Variants in NCAPG2 observed in about 807,000 individuals in gnomAD.
NCAPG2 encodes the protein non-SMC condensin II complex subunit G2.
NCAPG2 carries 53 observed loss-of-function variants against 141.1 expected under a neutral mutation model. That is an observed-to-expected ratio of 0.38 (90% CI 0.30 to 0.47). The LOEUF is 0.47. Ranked by LOEUF, NCAPG2 falls within the 20% of genes least tolerant of loss-of-function variation. The pLI, the probability that NCAPG2 is intolerant of heterozygous loss-of-function variation, is 0.99. For synonymous variants in NCAPG2, 499 were observed against 490.7 expected, an observed-to-expected ratio of 1.02 and a Z score of -0.22; for missense variants, 1,087 against 1,389.0, an observed-to-expected ratio of 0.78 and a Z score of 3.46.
intron 27 of NCAPG2, chr7:158,641,559 GA>G (rs74999655): frequency 0.15 from 67,327 of 442,904 alleles, 54 homozygotes; most frequent in East Asian, 0.23. Flanking sequence ...TCATATCTTG[GA>G]AAAAAAAAAA....
chr7:158,661,329 A>G (rs1377499), intron 16 of NCAPG2, among the ~76,000 whole-genome samples: 84,434 of 152,078 alleles, frequency 0.56, 23,919 homozygotes, highest in Middle Eastern at 0.61. Context: ...AGTTAAGAAT[A>G]TATTTGCATT....
rs1157946424 is a variant in NCAPG2 at position 158,687,461 on chromosome 7, A to G, written c.673-19T>C. 1 of 1,552,558 alleles carries G rather than the reference A, an allele frequency of 6.4e-7. No homozygotes were observed. The highest frequency in any genetic ancestry group is 2.3e-5 in the East Asian group (1 of 44,292). ...TTCTTCCCTAGAAATAAAAAAGGAT[A>G]GAATGTTTACATTGCAACCAAATAA... On this transcript the variant is annotated intron_variant, in intron 6 of 27. Coordinates refer to ENST00000356309, the MANE Select transcript of NCAPG2 (RefSeq NM_017760.7).
intron 27 of NCAPG2, among the ~76,000 whole-genome samples, chr7:158,634,593 C>A (rs111857401): frequency 0.023 from 3,499 of 152,176 alleles, 146 homozygotes; most frequent in African/African-American, 0.079. Context: ...TTACACTGAC[C>A]TAAGTCTAGA....
chr7:158,654,255 T>C (rs1232211802), intron 22 of NCAPG2, among the ~76,000 whole-genome samples: 1 of 152,054 alleles, frequency 6.6e-6, no homozygotes, highest in Non-Finnish European at 1.5e-5. Flanking sequence ...CAGGAGCACA[T>C]GACCAGAGCA....
chr7:158,676,988 A>G (rs916674142), intron 11 of NCAPG2, among the ~76,000 whole-genome samples: 1 of 152,094 alleles, frequency 6.6e-6, no homozygotes, highest in Non-Finnish European at 1.5e-5. Flanking sequence ...GGAGGCTGTG[A>G]CCTCAGAGAG....
At position 158,675,663 on chromosome 7, in the gene NCAPG2, G is replaced by C; in HGVS notation, c.1147-7C>G. The C allele has an allele frequency of 6.2e-7, 1 of 1,604,854 alleles. No homozygotes were observed. The highest frequency in any genetic ancestry group is 8.5e-7 in the Non-Finnish European group (1 of 1,177,930). On this transcript the variant is annotated splice_region_variant and splice_polypyrimidine_tract_variant and intron_variant, in intron 11 of 27. Coordinates refer to ENST00000356309, the MANE Select transcript of NCAPG2 (RefSeq NM_017760.7). ...AAGGATCTTCTAAAAGGCTCTATAA[G>C]TAGGAGGGGAGAAAGGCTTAAAAAC...
At chr7:158,647,571 G>A (rs1831121625) in intron 24 of NCAPG2, among the ~76,000 whole-genome samples, 1 of 152,126 alleles carries the variant, frequency 6.6e-6, no homozygotes, top group African/African-American at 2.4e-5. Context: ...TTATGCCTTG[G>A]TTTTCCACCT....
At chr7:158,659,998 G>C (rs1293080221) in intron 16 of NCAPG2, among the ~76,000 whole-genome samples, 1 of 151,892 alleles carries the variant, frequency 6.6e-6, no homozygotes, top group East Asian at 1.9e-4. Flanking sequence ...TGTAGTCCCA[G>C]CTACTCGGGA....
intron 19 of NCAPG2, 73 bp downstream of exon 19, chr7:158,656,187 T>C: frequency 6.6e-7 from 1 of 1,518,632 alleles, no homozygotes. Flanking sequence ...ACTGTAAATA[T>C]GAAAGCTTCA....
At chr7:158,697,101 C>T (rs1835494509) in intron 2 of NCAPG2, among the ~76,000 whole-genome samples, 3 of 152,030 alleles carry the variant, frequency 2.0e-5, no homozygotes, top group African/African-American at 7.3e-5. Flanking sequence ...GTAAACTAGC[C>T]TTAGGCAGGT....
intron 1 of NCAPG2, among the ~76,000 whole-genome samples, chr7:158,704,067 T>C (rs1384060498): frequency 5.3e-3 from 310 of 58,976 alleles, no homozygotes; most frequent in Middle Eastern, 0.017. Context: ...GTGCCCATGC[T>C]CAGGACTGAG....
intron 4 of NCAPG2, 104 bp from the exon 5 acceptor site, chr7:158,690,826 C>A: frequency 2.9e-6 from 3 of 1,032,006 alleles, no homozygotes; most frequent in Non-Finnish European, 1.3e-6. Context: ...TAAAGCTTTG[C>A]TAAGCAAATA....
At chr7:158,702,639 C>T (rs535228890) in intron 1 of NCAPG2, among the ~76,000 whole-genome samples, 1 of 152,306 alleles carries the variant, frequency 6.6e-6, no homozygotes, top group Non-Finnish European at 1.5e-5. Context: ...AATGATGGAA[C>T]ACATTTGCAG....
At chr7:158,679,278 T>G (rs1834297848) in intron 11 of NCAPG2, among the ~76,000 whole-genome samples, 1 of 152,220 alleles carries the variant, frequency 6.6e-6, no homozygotes. Context: ...TTGTTGTCAT[T>G]GTTTCCTAAA....
At chr7:158,685,289 G>A (rs1321904160) in intron 8 of NCAPG2, among the ~76,000 whole-genome samples, 1 of 152,106 alleles carries the variant, frequency 6.6e-6, no homozygotes, top group African/African-American at 2.4e-5. Context: ...CAAAAATAAT[G>A]TAACTAAAAG....
Position 158,658,407 on chromosome 7 carries a change from T to C in NCAPG2, c.1991A>G (p.Asp664Gly), listed in dbSNP as rs1832192318. The C allele has an allele frequency of 6.2e-7, 1 of 1,605,832 alleles. No homozygotes were observed. The highest frequency in any genetic ancestry group is 1.3e-5 in the African/African-American group (1 of 74,558). Reference sequence around the variant, plus strand: ...GAATAAAGGGATCTTGCAGCGATCATCCTAAAAGCGAAAAAAGAAAAACAA... The same window carrying C: ...GAATAAAGGGATCTTGCAGCGATCACCCTAAAAGCGAAAAAAGAAAAACAA... ...VLPEYLKVFKDDRCKIPLFML... is the reference protein window; with the variant it reads ...VLPEYLKVFKGDRCKIPLFML... Residue 664 changes from aspartate (D) to glycine (G), a missense_variant and splice_region_variant, in exon 17 of 28, where the codon GAT becomes GGT. By Grantham distance (94) the Asp-to-Gly change is moderately conservative. Transcript: ENST00000356309.
chr7:158,633,896 C>T lies in NCAPG2; in HGVS notation c.3381-2179G>A, dbSNP rs925310943. On this transcript the variant is annotated intron_variant, in intron 27 of 27. Transcript: ENST00000356309. This position sits in a 1 kb window ranked among gnomAD's most constrained non-coding sequence, Gnocchi z 4.1. ...CTCCCAAGTAGCTGGGACTATGGTG[C>T]ACACCACCACACCCAGCAGATTTTT... Among the ~76,000 whole-genome samples the T allele has an allele frequency of 1.3e-5, 2 of 152,008 alleles. No individual in the cohort carries two copies. The highest frequency in any genetic ancestry group is 2.4e-5 in the African/African-American group (1 of 41,380).
intron 12 of NCAPG2, among the ~76,000 whole-genome samples, chr7:158,672,954 A>G (rs2129465213): frequency 6.6e-6 from 1 of 152,330 alleles, no homozygotes; most frequent in South Asian, 2.1e-4. Flanking sequence ...CCCTCCTCAC[A>G]GATGACCCAT....
At chr7:158,649,746 A>G (rs1831339058) in intron 24 of NCAPG2, among the ~76,000 whole-genome samples, 1 of 152,226 alleles carries the variant, frequency 6.6e-6, no homozygotes, top group African/African-American at 2.4e-5. Context: ...TTAAAAATGC[A>G]TATAATTCAA....
Sources: allele counts gnomAD v4.1 joint callset (sites outside exome capture counted in the v4.1 genomes callset), GRCh38; gene constraint gnomAD v4.1.1; non-coding constraint Gnocchi (gnomAD v3.1); transcripts MANE v1.5; gene names NCBI Gene and HGNC (gene_info 2026-07-23, HGNC 2026-07-21).